The following FNDC3A variants were observed in gnomAD, a reference collection of about 807,000 sequenced individuals.
The protein encoded by FNDC3A is fibronectin type III domain containing 3A, also known as fibronectin type-III domain-containing protein 3A.
Under a neutral mutation model 148.9 loss-of-function variants are expected in FNDC3A, and 32 were observed. The observed-to-expected ratio is 0.21, with a 90% CI of 0.16 to 0.29. The LOEUF (loss-of-function observed/expected upper bound fraction) is 0.29, where lower values mean the gene tolerates loss of function less well. Ranked by LOEUF, FNDC3A falls within the 10% of genes least tolerant of loss-of-function variation. FNDC3A has a pLI of 1.00. For synonymous variants in FNDC3A, 472 were observed against 473.6 expected (o/e 1.00, Z 0.04); for missense variants, 1,191 against 1,452.8 (o/e 0.82, Z 2.93).
chr13:49,034,460 A>G (rs1271370121), intron 2 of FNDC3A, among the ~76,000 whole-genome samples: 1 of 152,038 alleles, frequency 6.6e-6, no homozygotes, highest in Admixed American at 6.5e-5. Context: ...TGTTATCCAT[A>G]TAACTTTCAT....
intron 13 of FNDC3A, among the ~76,000 whole-genome samples, 170 bp from the exon 14 acceptor site, chr13:49,178,398 T>C (rs982741080): frequency 6.6e-5 from 10 of 152,200 alleles, no homozygotes; most frequent in Non-Finnish European, 1.5e-5. Flanking sequence ...CATTTCCGGG[T>C]CTACCCACTG....
At chr13:49,115,863 C>G (rs999966344) in intron 4 of FNDC3A, among the ~76,000 whole-genome samples, 3 of 152,198 alleles carry the variant, frequency 2.0e-5, no homozygotes, top group Non-Finnish European at 4.4e-5. Context: ...GCTTTCCAGC[C>G]TGGTCCTCTT....
intron 8 of FNDC3A, among the ~76,000 whole-genome samples, chr13:49,161,890 A>G (rs1280874977): frequency 2.0e-5 from 3 of 152,192 alleles, no homozygotes; most frequent in Non-Finnish European, 4.4e-5. Flanking sequence ...TTGGCTGGAT[A>G]TGAAATTCTG....
chr13:49,000,786 C>G (rs944151507), intron 1 of FNDC3A, among the ~76,000 whole-genome samples: 1 of 152,052 alleles, frequency 6.6e-6, no homozygotes, highest in South Asian at 2.1e-4. Context: ...GCTTTCACCT[C>G]CTTGATTAGG....
chr13:49,027,348 T>G (rs1213330635), intron 2 of FNDC3A, among the ~76,000 whole-genome samples: 3 of 152,206 alleles, frequency 2.0e-5, no homozygotes, highest in Non-Finnish European at 2.9e-5. Flanking sequence ...GTGAATGCTT[T>G]TCCAACGCTG....
chr13:49,107,050 G>A (rs911484775), intron 3 of FNDC3A, among the ~76,000 whole-genome samples: 1 of 152,164 alleles, frequency 6.6e-6, no homozygotes, highest in African/African-American at 2.4e-5. Context: ...TGGATTAGAT[G>A]GTGAAGGAGC....
At chr13:49,201,569 CT>C (rs1360967281) in intron 23 of FNDC3A, among the ~76,000 whole-genome samples, 2 of 152,116 alleles carry the variant, frequency 1.3e-5, no homozygotes, top group African/African-American at 2.4e-5. Flanking sequence ...TAGTAACAGA[CT>C]TTTGGTAAAT....
intron 2 of FNDC3A, among the ~76,000 whole-genome samples, chr13:49,022,051 C>G (rs1308045867): frequency 6.6e-6 from 1 of 152,166 alleles, no homozygotes; most frequent in Admixed American, 6.5e-5. Context: ...TCATCTGACT[C>G]AGACCCTTAC....
At chr13:49,138,835 T>C in intron 7 of FNDC3A, 30 bp downstream of exon 7, 1 of 1,109,334 alleles carries the variant, frequency 9.0e-7, no homozygotes, top group Non-Finnish European at 1.3e-6. Context: ...TATTGATGTT[T>C]ATATTTAATA....
rs1385075158 is a variant in FNDC3A, at chr13:49,172,056, A to G, written c.1190A>G (p.Asn397Ser). ...LTLQWKAPSD[N>S]GSKIQNFVLE... ...TGTTGGTTTTAGGCACCTAGTGACA[A>G]TGGTTCTAAAATCCAAAACTTTGTA... Residue 397 changes from asparagine (N) to serine (S), a missense_variant, in exon 11 of 26, where the codon AAT becomes AGT. Asn to Ser is a conservative substitution (Grantham distance 46). Around this residue, in one of 3 missense-constraint regions of FNDC3A, gnomAD observed 14 missense variants for 35.5 expected, o/e 0.39. Coordinates refer to ENST00000492622, the MANE Select transcript of FNDC3A (RefSeq NM_001079673.2). 1 of 1,606,286 alleles carries G rather than the reference A, an allele frequency of 6.2e-7. No homozygotes were observed. The highest frequency in any genetic ancestry group is 8.5e-7 in the Non-Finnish European group (1 of 1,175,872).
chr13:48,993,026 T>C (rs1044200939), intron 1 of FNDC3A, among the ~76,000 whole-genome samples: 18 of 152,190 alleles, frequency 1.2e-4, no homozygotes, highest in Admixed American at 7.2e-4. Context: ...TCCTAGTATA[T>C]TGATTTGACC....
chr13:49,073,201 A>G lies in FNDC3A; in HGVS notation c.100-2088A>G, dbSNP rs142716039. Among the ~76,000 whole-genome samples, 13 of 152,332 alleles carry G rather than the reference A, an allele frequency of 8.5e-5. No homozygotes were observed. The South Asian group carries it at 1.7e-3, about 19-fold the overall frequency. On this transcript the variant is annotated intron_variant, in intron 2 of 25. Coordinates refer to ENST00000492622, the MANE Select transcript of FNDC3A (RefSeq NM_001079673.2). The stretch of plus-strand genomic sequence containing the variant: ...GAAAATAAAGAATTTAGTAAAGAAA[A>G]GGCAGAAAACAAAAAGAAAAATATT...
intron 3 of FNDC3A, among the ~76,000 whole-genome samples, chr13:49,087,680 T>G (rs1878904808): frequency 6.6e-6 from 1 of 152,148 alleles, no homozygotes; most frequent in South Asian, 2.1e-4. Context: ...AGGCAGATTT[T>G]AAGCTAATTC....
intron 1 of FNDC3A, among the ~76,000 whole-genome samples, chr13:48,986,385 GTTTTTTT>G (rs869031197): frequency 2.9e-4 from 16 of 54,422 alleles, no homozygotes; most frequent in Admixed American, 1.6e-3. Flanking sequence ...GAAGGAAGTT[GTTTTTTT>G]TTTTTTTTTT....
intron 1 of FNDC3A, among the ~76,000 whole-genome samples, chr13:48,980,768 A>G (rs1593432515): frequency 1.3e-5 from 2 of 152,284 alleles, no homozygotes; most frequent in South Asian, 2.1e-4. Context: ...GCACAAATCA[A>G]TTGGCTGGGG....
At chr13:49,176,582 G>A (rs978658539) in intron 13 of FNDC3A, among the ~76,000 whole-genome samples, 12 of 151,942 alleles carry the variant, frequency 7.9e-5, no homozygotes, top group African/African-American at 2.9e-4. Flanking sequence ...GTATACCTAT[G>A]TAACAAACCT....
At chr13:49,138,493 T>C (rs565164926) in intron 6 of FNDC3A, among the ~76,000 whole-genome samples, 9 of 152,258 alleles carry the variant, frequency 5.9e-5, no homozygotes, top group African/African-American at 2.2e-4. Context: ...CAGATAGATA[T>C]AGCTATGTCT....
In FNDC3A at chr13:49,205,409, A is replaced by G. The variant is rs919456205; in HGVS notation, c.3283-1672A>G. Among the ~76,000 whole-genome samples the G allele has an allele frequency of 7.2e-4, 110 of 152,194 alleles. 1 individual carries two copies. The highest frequency in any genetic ancestry group is 7.2e-4 in the Non-Finnish European group (49 of 68,020). ...ATTTTACACTACTTTATCATACAAC[A>G]TTCTGTTTTAAGTGAATCCTTTTAC... On this transcript the variant is annotated intron_variant, in intron 25 of 25. Coordinates refer to ENST00000492622, the MANE Select transcript of FNDC3A (RefSeq NM_001079673.2).
At chr13:49,159,049 A>G (rs539523324) in intron 8 of FNDC3A, among the ~76,000 whole-genome samples, 1 of 152,300 alleles carries the variant, frequency 6.6e-6, no homozygotes, top group South Asian at 2.1e-4. Context: ...GAAGTCAGGT[A>G]GCATGACGCC....
Sources: allele counts gnomAD v4.1 joint callset (sites outside exome capture counted in the v4.1 genomes callset), GRCh38; gene constraint gnomAD v4.1.1; regional missense constraint gnomAD v4.1.1; transcripts MANE v1.5; gene names NCBI Gene and HGNC (gene_info 2026-07-23, HGNC 2026-07-21).